The following UBE3A variants were observed in gnomAD, a reference collection of about 807,000 sequenced individuals.
UBE3A encodes ubiquitin protein ligase E3A, also known as ubiquitin-protein ligase E3A.
A neutral mutation model predicts 83.4 loss-of-function variants in UBE3A; 6 were observed. That is an observed-to-expected ratio of 0.07 (90% confidence interval 0.04 to 0.14). The LOEUF is 0.14. UBE3A is among the 10% of genes least tolerant of loss of function. The pLI is 1.00. For synonymous variants in UBE3A, 337 were observed against 355.4 expected (o/e 0.95, Z 0.58); for missense variants, 456 against 1,036.1 (o/e 0.44, Z 7.69).
intron 3 of UBE3A, among the ~76,000 whole-genome samples, chr15:25,406,455 A>C (rs553202867): frequency 2.0e-5 from 3 of 152,258 alleles, no homozygotes; most frequent in Admixed American, 1.3e-4. Flanking sequence ...ATTTCACGAG[A>C]TATGAATCAG....
At chr15:25,357,888 C>A (rs2152708843) in intron 7 of UBE3A, among the ~76,000 whole-genome samples, 1 of 149,814 alleles carries the variant, frequency 6.7e-6, no homozygotes, top group Non-Finnish European at 1.5e-5. Context: ...CTATGCAAGC[C>A]CCAATCATGG....
chr15:25,436,503 TGA>T (rs1895125119), intron 1 of UBE3A, among the ~76,000 whole-genome samples: 1 of 152,202 alleles, frequency 6.6e-6, no homozygotes, highest in Admixed American at 6.5e-5. Context: ...TGACTGACAC[TGA>T]GAGAAACAGT....
chr15:25,433,591 G>A (rs1894142787), intron 1 of UBE3A, among the ~76,000 whole-genome samples: 1 of 152,122 alleles, frequency 6.6e-6, no homozygotes, highest in Non-Finnish European at 1.5e-5. Flanking sequence ...AAGGAACGAA[G>A]GCTTCAAAAG....
In UBE3A at chr15:25,371,184, T is replaced by G. The variant is rs1742898259; in HGVS notation, c.990A>C (p.Ala330=). ...TCTCCATCATTCTCCGAATCTGGTC[T>G]GCATTGTATTTAGACCACAGTCTGA... ...KLIRLWSKYN[A]DQIRRMMETF... The change falls in exon 6 of 13, where the codon GCA becomes GCC. Residue 330 remains alanine (A), a synonymous_variant. Transcript: ENST00000648336. This position sits in a 1 kb window ranked among gnomAD's most constrained non-coding sequence, Gnocchi z 5.3. 3 of 1,614,090 alleles carry G rather than the reference T, an allele frequency of 1.9e-6. No homozygotes were observed. In the African/African-American group the frequency reaches 4.0e-5, roughly 22 times the overall value.
intron 4 of UBE3A, among the ~76,000 whole-genome samples, chr15:25,382,860 T>G (rs373812347): frequency 6.6e-6 from 1 of 152,098 alleles, no homozygotes; most frequent in African/African-American, 2.4e-5. Context: ...TGAGAACGGA[T>G]AGACACATCA....
intron 4 of UBE3A, among the ~76,000 whole-genome samples, chr15:25,396,868 G>A (rs564033432): frequency 2.0e-5 from 3 of 152,160 alleles, no homozygotes; most frequent in African/African-American, 7.2e-5. Flanking sequence ...AGTGTTAACT[G>A]TATATAAATT....
chr15:25,405,566 T>C, intron 3 of UBE3A, 64 bp from the exon 4 acceptor site: 1 of 1,545,650 alleles, frequency 6.5e-7, no homozygotes. Context: ...AAGGTAGACA[T>C]ATTACTTAGG....
intron 4 of UBE3A, among the ~76,000 whole-genome samples, chr15:25,390,626 G>A (rs976423249): frequency 6.6e-6 from 1 of 152,172 alleles, no homozygotes; most frequent in Non-Finnish European, 1.5e-5. Flanking sequence ...CAAGGAGTGG[G>A]AGGGAAGGAA....
intron 1 of UBE3A, among the ~76,000 whole-genome samples, chr15:25,413,469 C>T (rs868529453): frequency 6.6e-6 from 1 of 152,144 alleles, no homozygotes; most frequent in African/African-American, 2.4e-5. Flanking sequence ...CTTATTAAAA[C>T]TGTCTAAGTT....
At chr15:25,339,688 TAGAAACACTGCTGGCA>T in intron 12 of UBE3A, 1 of 314,916 alleles carries the variant, frequency 3.2e-6, no homozygotes, top group South Asian at 3.1e-5. Context: ...AAATGCTTAT[TAGAAACACTGCTGGCA>T]ATATGACTAA....
intron 5 of UBE3A, chr15:25,373,428 C>T (rs1023085864): frequency 6.6e-6 from 1 of 152,144 alleles, no homozygotes; most frequent in African/African-American, 2.4e-5. Context: ...GTGATTCTGA[C>T]AGTCTACTAA....
chr15:25,437,723 G>A (rs973055249), intron 1 of UBE3A, among the ~76,000 whole-genome samples: 1 of 152,098 alleles, frequency 6.6e-6, no homozygotes, highest in African/African-American at 2.4e-5. Flanking sequence ...CTTCACCAGT[G>A]TCTGTATTAA....
chr15:25,401,534 T>C (rs1157396780), intron 4 of UBE3A, among the ~76,000 whole-genome samples: 1 of 152,196 alleles, frequency 6.6e-6, no homozygotes, highest in Admixed American at 6.5e-5. Context: ...AAGTTGCATG[T>C]GTCTAGGAAT....
chr15:25,400,160 T>C (rs900879227), intron 4 of UBE3A, among the ~76,000 whole-genome samples: 1 of 152,246 alleles, frequency 6.6e-6, no homozygotes, highest in South Asian at 2.1e-4. Flanking sequence ...AAGATAACTT[T>C]CCATTATTTG....
intron 2 of UBE3A, chr15:25,409,472 C>G (rs1009466863): frequency 1.7e-5 from 3 of 173,366 alleles, no homozygotes; most frequent in African/African-American, 7.2e-5. Context: ...TACCTTGAGT[C>G]TTATAACAAC....
intron 1 of UBE3A, chr15:25,413,038 C>T (rs1347816032): frequency 2.2e-6 from 1 of 450,000 alleles, no homozygotes; most frequent in South Asian, 1.6e-5. Flanking sequence ...TTTTAAGAAG[C>T]CCTGCCTTCC....
At chr15:25,359,463 G>GTGTGTT (rs61696971) in intron 7 of UBE3A, among the ~76,000 whole-genome samples, 1 of 145,438 alleles carries the variant, frequency 6.9e-6, no homozygotes, top group Non-Finnish European at 1.5e-5. Flanking sequence ...GTGTGTGTGT[G>GTGTGTT]ACTAAGAACA....
At position 25,408,956 on chromosome 15, in the gene UBE3A, G is replaced by T. The variant is rs549322871; in HGVS notation, c.20+132C>A. 39 of 929,694 alleles carry T rather than the reference G, an allele frequency of 4.2e-5. No homozygotes were observed. In the African/African-American group the frequency reaches 5.5e-4, roughly 13 times the overall value. 57.6% of individuals were successfully genotyped at this position (929,694 alleles called of 1,614,324 possible). A position where few individuals can be genotyped will look rare whatever the true frequency, so the allele number is the denominator to read the frequency against. ...CTAAAATATTTTAAGGAGATTAAAT[G>T]AAGTAGGTCAACTCTCAGGCCCACT... On this transcript the variant is annotated intron_variant, in intron 3 of 12. Transcript: ENST00000648336.
chr15:25,402,024 C>G (rs564114512), intron 4 of UBE3A, among the ~76,000 whole-genome samples: 2 of 152,250 alleles, frequency 1.3e-5, no homozygotes, highest in African/African-American at 4.8e-5. Context: ...CTTTGTCAGG[C>G]AGTTCATATA....
Sources: gnomAD v4.1 joint callset for allele counts (sites outside exome capture counted in the v4.1 genomes callset) on GRCh38, gnomAD v4.1.1 for gene constraint, Gnocchi (gnomAD v3.1) non-coding constraint, MANE v1.5 for transcripts, NCBI Gene and HGNC (gene_info 2026-07-23, HGNC 2026-07-21) for gene names.